Variants in PTK6 observed in about 807,000 individuals in gnomAD.
PTK6 encodes the protein protein tyrosine kinase 6.
A neutral mutation model predicts 47.5 loss-of-function variants in PTK6; 47 were observed. The ratio of observed to expected loss-of-function variants is 0.99; its 90% CI spans 0.78 to 1.26. PTK6 has a LOEUF of 1.26. Ranked by LOEUF, PTK6 falls within the 50% of genes most tolerant of loss-of-function variation. The pLI, the probability that PTK6 is intolerant of heterozygous loss-of-function variation, is 0.00. For missense variants in PTK6, 618 were observed against 625.3 expected, an observed-to-expected ratio of 0.99 and a Z score of 0.12; for synonymous variants, 287 against 276.5, an observed-to-expected ratio of 1.04 and a Z score of -0.38.
chr20:63,532,762 C>T, intron 4 of PTK6, 75 bp from the exon 5 acceptor site: 2 of 1,540,626 alleles, frequency 1.3e-6, no homozygotes, highest in Non-Finnish European at 1.8e-6. Flanking sequence ...AGGCCCTGCC[C>T]CCACACACAG....
intron 5 of PTK6, among the ~76,000 whole-genome samples, 165 bp from the exon 6 acceptor site, chr20:63,531,092 A>G (rs2082615461): frequency 6.6e-6 from 1 of 152,200 alleles, no homozygotes; most frequent in South Asian, 2.1e-4. Context: ...ACTGCAGGCC[A>G]GCTACCGCCC....
At chr20:63,535,399 C>T (rs766474690) in intron 1 of PTK6, among the ~76,000 whole-genome samples, 9 of 144,212 alleles carry the variant, frequency 6.2e-5, no homozygotes, top group Admixed American at 2.0e-4. Flanking sequence ...CCATGTGTGA[C>T]GCACGCTCAC....
Position 63,529,538 on chromosome 20 carries a change from A to T in PTK6, c.1354T>A (p.Ter452ArgextTer69). The T allele has an allele frequency of 6.4e-7, 1 of 1,566,090 alleles. No homozygotes were observed. The highest frequency in any genetic ancestry group is 8.7e-7 in the Non-Finnish European group (1 of 1,155,558). ...SSFTSYENPT[*>R] ...GGCCATGCCCGCTCCACAGCAGCTCAGGTCGGGTTCTCGTAGCTGGTGAAG... is the reference window on the plus strand; with the variant it reads ...GGCCATGCCCGCTCCACAGCAGCTCTGGTCGGGTTCTCGTAGCTGGTGAAG... The change falls in exon 8 of 8, where the codon TGA (stop) becomes AGA (arginine). Residue 452 changes from the stop codon to arginine, a stop_lost. Coordinates refer to ENST00000542869, the MANE Select transcript of PTK6 (RefSeq NM_005975.4). The surrounding 1 kb of genome is among the most constrained non-coding windows in gnomAD (Gnocchi z 5.6).
At chr20:63,531,950 GACAC>G (rs1173581572) in intron 5 of PTK6, among the ~76,000 whole-genome samples, 1 of 152,222 alleles carries the variant, frequency 6.6e-6, no homozygotes, top group African/African-American at 2.4e-5. Context: ...GCTCTCCTCA[GACAC>G]ACACGGCATT....
At position 63,530,928 on chromosome 20, in the gene PTK6, C is replaced by T. The variant is rs1312585350; in HGVS notation, c.833-1G>A. The T allele has an allele frequency of 6.2e-7, 1 of 1,604,896 alleles. No individual in the cohort carries two copies. Among genetic ancestry groups the T allele is most frequent in the Non-Finnish European group, 8.5e-7 (1 of 1,175,548 alleles). On this transcript the variant is annotated splice_acceptor_variant, in intron 5 of 7. Transcript: ENST00000542869. LOFTEE classifies it high-confidence loss of function. The surrounding 1 kb of genome is among the most constrained non-coding windows in gnomAD (Gnocchi z 4.1). Reference sequence around the variant, plus strand: ...ACGGGCAGGACTTTCTCATCAGAGTCTGCAGAGGGGAGTGGAGCAGAGCCT... The same window carrying T: ...ACGGGCAGGACTTTCTCATCAGAGTTTGCAGAGGGGAGTGGAGCAGAGCCT...
chr20:63,530,216 A>C lies in PTK6; in HGVS notation c.1030T>G (p.Ser344Ala). 1 of 1,613,834 alleles carries C rather than the reference A, an allele frequency of 6.2e-7. No homozygotes were observed. The highest frequency in any genetic ancestry group is 1.1e-5 in the South Asian group (1 of 91,086). Residue 344 changes from serine to alanine, a missense_variant, in exon 7 of 8, where the codon TCC becomes GCC. Transcript: ENST00000542869. This position sits in a 1 kb window ranked among gnomAD's most constrained non-coding sequence, Gnocchi z 4.1. ...TTGTAGGGGATATTGTGGTCATGGG[A>C]GAGGTAGACGTCCTCCTGCAATCAG... ...ARLIKEDVYL[S>A]HDHNIPYKWT...
At chr20:63,532,165 G>GTA (rs1569011057) in intron 5 of PTK6, among the ~76,000 whole-genome samples, 75 of 145,000 alleles carry the variant, frequency 5.2e-4, no homozygotes, top group African/African-American at 1.9e-3. Context: ...GTGTGTCTGT[G>GTA]TGTGTGTGTG....
Position 63,529,903 on chromosome 20 carries a change from C to A in PTK6, c.1168+175G>T. 9.3e-7 allele frequency: 1 copy of A among 1,070,088 alleles called. No individual in the cohort carries two copies. The highest frequency in any genetic ancestry group is 2.6e-5 in the East Asian group (1 of 38,426). The allele number at this position is 1,070,088 out of a possible 1,614,324, so 66.3% of individuals were successfully genotyped here. A position where few individuals can be genotyped will look rare whatever the true frequency, so the allele number is the denominator to read the frequency against. ...TCCCTCTGGACAGGGCTCCAACAGG[C>A]AGCTCCAGGCACCAGCCTGGGTGCT... is the stretch of plus-strand genomic sequence containing the variant. On this transcript the variant is annotated intron_variant, in intron 7 of 7. Coordinates refer to ENST00000542869, the MANE Select transcript of PTK6 (RefSeq NM_005975.4). This position sits in a 1 kb window ranked among gnomAD's most constrained non-coding sequence, Gnocchi z 5.6.
Position 63,529,514 on chromosome 20 carries a change from G to A in PTK6, c.*22C>T, listed in dbSNP as rs748693296. The A allele has an allele frequency of 4.5e-5, 69 of 1,537,886 alleles. No homozygotes were observed. In the South Asian group the frequency reaches 8.0e-4, roughly 18 times the overall value. Reference sequence around the variant, plus strand: ...CCAGGCCCCTCCTCAGCAGGGCCCGGCCATGCCCGCTCCACAGCAGCTCAG... The same window carrying A: ...CCAGGCCCCTCCTCAGCAGGGCCCGACCATGCCCGCTCCACAGCAGCTCAG... On this transcript the variant is annotated 3_prime_UTR_variant, in exon 8 of 8. Coordinates refer to ENST00000542869, the MANE Select transcript of PTK6 (RefSeq NM_005975.4). The surrounding 1 kb of genome is among the most constrained non-coding windows in gnomAD (Gnocchi z 5.6).
intron 1 of PTK6, 26 bp from the exon 2 acceptor site, chr20:63,535,085 G>T: frequency 6.4e-7 from 1 of 1,571,580 alleles, no homozygotes; most frequent in Non-Finnish European, 8.7e-7. Context: ...CTGAGAACAC[G>T]CGGACCTGGG....
rs115415441 is a variant in PTK6 at position 63,535,452 on chromosome 20, C to T, written c.231-393G>A. ...CCCCCACACATGCGCACAGTTCACCCGCACACCTGAACACACACGCGCATG... is the reference window on the plus strand; with the variant it reads ...CCCCCACACATGCGCACAGTTCACCTGCACACCTGAACACACACGCGCATG... On this transcript the variant is annotated intron_variant, in intron 1 of 7. Coordinates refer to ENST00000542869, the MANE Select transcript of PTK6 (RefSeq NM_005975.4). 5.4e-3 allele frequency among the ~76,000 whole-genome samples: 790 copies of T among 145,404 alleles called. 6 individuals carry two copies. Among genetic ancestry groups the T allele is most frequent in the African/African-American group, 0.02 (688 of 34,866 alleles).
chr20:63,531,015 C>A, intron 5 of PTK6, 88 bp from the exon 6 acceptor site: 5 of 1,248,678 alleles, frequency 4.0e-6, no homozygotes, highest in Non-Finnish European at 5.4e-6. Flanking sequence ...GTCTCATCTG[C>A]CTCCAAGCTC....
rs763957272 is a variant in PTK6 at position 63,537,085 on chromosome 20, G to T, written c.230C>A (p.Pro77Gln). 11 of 1,607,076 alleles carry T rather than the reference G, an allele frequency of 6.8e-6. No homozygotes were observed. The highest frequency in any genetic ancestry group is 8.5e-6 in the Non-Finnish European group (10 of 1,177,252). ...GCTCCCAGCAGCCTAGGACACGCAC[G>T]GTTCCGACTCCACCGTCTCCCTCTC... is the stretch of plus-strand genomic sequence containing the variant. ...LAERETVESE[P>Q]WFFGCISRSE... Residue 77 changes from proline (P) to glutamine (Q), a missense_variant and splice_region_variant, in exon 1 of 8, where the codon CCG (proline) becomes CAG (glutamine). Physicochemically the swap from Pro to Gln is moderately conservative, Grantham distance 76. Transcript: ENST00000542869.
Position 63,532,526 on chromosome 20 carries a change from C to G in PTK6, c.832G>C (p.Asp278His), listed in dbSNP as rs770065818. ...AKGSLLELLR[D>H]SDEKVLPVSE... ...AAGAGCCCCGGCCCATGCCACTCAC[C>G]GCGGAGCAGCTCCAGCAGGCTGCCC... The change falls in exon 5 of 8, where the codon GAC (aspartate) becomes CAC (histidine). Residue 278 changes from aspartate to histidine, a missense_variant and splice_region_variant. Asp to His is a moderately conservative substitution (Grantham distance 81). Transcript: ENST00000542869. 1 of 1,609,732 alleles carries G rather than the reference C, an allele frequency of 6.2e-7. No homozygotes were observed. The highest frequency in any genetic ancestry group is 8.5e-7 in the Non-Finnish European group (1 of 1,177,152).
rs2082612137 is a variant in PTK6 at position 63,530,788 on chromosome 20, G to A, written c.972C>T (p.Thr324=). 3.1e-6 allele frequency: 5 copies of A among 1,614,060 alleles called. No individual in the cohort carries two copies. The highest frequency in any genetic ancestry group is 2.2e-5 in the East Asian group (1 of 44,876). ...ACCCGAAGTCCCCAACTTTGCAGAGGGTGTTTTCCCCGACGAGGATGTTCC... is the reference window on the plus strand; with the variant it reads ...ACCCGAAGTCCCCAACTTTGCAGAGAGTGTTTTCCCCGACGAGGATGTTCC... ...AARNILVGEN[T]LCKVGDFGLA... Residue 324 remains threonine (T), a synonymous_variant, in exon 6 of 8, where the codon ACC becomes ACT. Transcript: ENST00000542869. The surrounding 1 kb of genome is among the most constrained non-coding windows in gnomAD (Gnocchi z 4.1).
At position 63,530,764 on chromosome 20, in the gene PTK6, C is replaced by A; in HGVS notation, c.996G>T (p.Gly332=). Residue 332 remains glycine (G), a synonymous_variant, in exon 6 of 8, where the codon GGG becomes GGT. Coordinates refer to ENST00000542869, the MANE Select transcript of PTK6 (RefSeq NM_005975.4). This position sits in a 1 kb window ranked among gnomAD's most constrained non-coding sequence, Gnocchi z 4.1. ...GCCCTACCTTGATAAGCCTGGCTAA[C>A]CCGAAGTCCCCAACTTTGCAGAGGG... ...ENTLCKVGDF[G]LARLIKEDVY... 1 of 1,613,958 alleles carries A rather than the reference C, an allele frequency of 6.2e-7. No homozygotes were observed. The highest frequency in any genetic ancestry group is 8.5e-7 in the Non-Finnish European group (1 of 1,179,950).
chr20:63,535,071 G>A lies in PTK6; in HGVS notation c.231-12C>T. On this transcript the variant is annotated splice_polypyrimidine_tract_variant and intron_variant, in intron 1 of 7. Coordinates refer to ENST00000542869, the MANE Select transcript of PTK6 (RefSeq NM_005975.4). ...AGCCAAAGAACCACCTGCAGGGGAGGAGTCTGAGAACACGCGGACCTGGGC... is the reference window on the plus strand; with the variant it reads ...AGCCAAAGAACCACCTGCAGGGGAGAAGTCTGAGAACACGCGGACCTGGGC... The A allele has an allele frequency of 1.3e-6, 2 of 1,588,594 alleles. No homozygotes were observed. Among genetic ancestry groups the A allele is most frequent in the Non-Finnish European group, 1.7e-6 (2 of 1,161,782 alleles).
chr20:63,536,947 G>T, intron 1 of PTK6, 138 bp downstream of exon 1: 1 of 930,876 alleles, frequency 1.1e-6, no homozygotes, highest in Non-Finnish European at 1.6e-6. Context: ...GGGATGCCCA[G>T]CCTGGACTTT....
rs989433324 is a variant in PTK6 at position 63,529,326 on chromosome 20, G to T, written c.*210C>A. 1.2e-5 allele frequency: 6 copies of T among 519,678 alleles called. No homozygotes were observed. The highest frequency in any genetic ancestry group is 6.1e-5 in the African/African-American group (3 of 49,504). 32.2% of individuals were successfully genotyped at this position (519,678 alleles called of 1,614,324 possible). Reference sequence around the variant, plus strand: ...ATCTGCAGGCTCCAGAGCAGGCTGCGTGTCAGCAGCTGAGACCCAAGGCAC... The same window carrying T: ...ATCTGCAGGCTCCAGAGCAGGCTGCTTGTCAGCAGCTGAGACCCAAGGCAC... On this transcript the variant is annotated 3_prime_UTR_variant, in exon 8 of 8. Transcript: ENST00000542869. This position sits in a 1 kb window ranked among gnomAD's most constrained non-coding sequence, Gnocchi z 5.6.
Sources: gnomAD v4.1 joint callset for allele counts (sites outside exome capture counted in the v4.1 genomes callset) on GRCh38, gnomAD v4.1.1 for gene constraint, Gnocchi (gnomAD v3.1) non-coding constraint, MANE v1.5 for transcripts, NCBI Gene and HGNC (gene_info 2026-07-23, HGNC 2026-07-21) for gene names.